The following ATRNL1 variants were observed in gnomAD, a reference collection of about 807,000 sequenced individuals.
ATRNL1 encodes attractin-like protein 1.
Under a neutral mutation model 182.7 loss-of-function variants are expected in ATRNL1, and 95 were observed. The observed-to-expected ratio is 0.52, with a 90% CI of 0.44 to 0.62. ATRNL1 has a LOEUF of 0.62. Ranked by LOEUF, ATRNL1 falls within the 20% of genes least tolerant of loss-of-function variation. ATRNL1 has a pLI of 0.00. For synonymous variants in ATRNL1, 576 were observed against 568.3 expected, an observed-to-expected ratio of 1.01 and a Z score of -0.19; for missense variants, 1,471 against 1,679.5, an observed-to-expected ratio of 0.88 and a Z score of 2.17.
intron 24 of ATRNL1, among the ~76,000 whole-genome samples, chr10:115,516,629 G>A (rs1300889658): frequency 6.6e-6 from 1 of 151,756 alleles, no homozygotes; most frequent in East Asian, 1.9e-4. Flanking sequence ...CTTTGTCATG[G>A]CCAACGACCT....
intron 20 of ATRNL1, among the ~76,000 whole-genome samples, chr10:115,403,715 G>A (rs111397336): frequency 1.6e-4 from 24 of 152,290 alleles, no homozygotes; most frequent in African/African-American, 5.5e-4. Flanking sequence ...GCCTACCAAA[G>A]TCCTGGGATT....
At chr10:115,272,139 G>A (rs1190017109) in intron 13 of ATRNL1, among the ~76,000 whole-genome samples, 1 of 152,186 alleles carries the variant, frequency 6.6e-6, no homozygotes, top group Non-Finnish European at 1.5e-5. Context: ...AGATGCTGGT[G>A]CCACATTTCC....
chr10:115,744,891 C>A (rs931125483), intron 27 of ATRNL1, among the ~76,000 whole-genome samples: 5 of 152,048 alleles, frequency 3.3e-5, no homozygotes, highest in African/African-American at 1.2e-4. Context: ...AGTAATATAT[C>A]TTAATTGTAA....
At chr10:115,557,084 C>G (rs1169882765) in intron 26 of ATRNL1, among the ~76,000 whole-genome samples, 1 of 151,900 alleles carries the variant, frequency 6.6e-6, no homozygotes. Flanking sequence ...AGAAGGGTTT[C>G]CAACAAACTT....
At chr10:115,356,216 G>T (rs1280259660) in intron 19 of ATRNL1, among the ~76,000 whole-genome samples, 2 of 151,982 alleles carry the variant, frequency 1.3e-5, no homozygotes, top group Non-Finnish European at 2.9e-5. Flanking sequence ...TACCAAATGA[G>T]GTTGAGCATT....
At chr10:115,378,086 T>C (rs1175912824) in intron 19 of ATRNL1, among the ~76,000 whole-genome samples, 1 of 152,010 alleles carries the variant, frequency 6.6e-6, no homozygotes, top group Admixed American at 6.6e-5. Context: ...TGGGACTGAG[T>C]CACAGAGCTG....
chr10:115,386,793 T>G (rs1406293488), intron 19 of ATRNL1, among the ~76,000 whole-genome samples: 8 of 147,898 alleles, frequency 5.4e-5, no homozygotes, highest in African/African-American at 2.0e-4. Context: ...TAGGTATATC[T>G]CCTAATGCTA....
intron 26 of ATRNL1, among the ~76,000 whole-genome samples, chr10:115,690,561 C>A (rs34597035): frequency 6.6e-6 from 1 of 151,906 alleles, no homozygotes; most frequent in African/African-American, 2.4e-5. Flanking sequence ...AGGTTGGAGA[C>A]CCCTGGACCA....
At chr10:115,428,305 T>C (rs1845996644) in intron 21 of ATRNL1, among the ~76,000 whole-genome samples, 1 of 152,094 alleles carries the variant, frequency 6.6e-6, no homozygotes, top group Non-Finnish European at 1.5e-5. Flanking sequence ...TTTTGTTGAC[T>C]CTCAGAATTT....
intron 26 of ATRNL1, among the ~76,000 whole-genome samples, chr10:115,693,290 C>G (rs541542860): frequency 5.9e-5 from 9 of 152,108 alleles, no homozygotes; most frequent in African/African-American, 2.2e-4. Flanking sequence ...GACTTAAATT[C>G]AGGTTGTTAC....
intron 9 of ATRNL1, among the ~76,000 whole-genome samples, chr10:115,234,592 C>CTTTT: frequency 7.5e-6 from 1 of 133,828 alleles, no homozygotes; most frequent in Non-Finnish European, 1.6e-5. Context: ...TTTTCTTTTT[C>CTTTT]TTTTTTTTTT....
intron 26 of ATRNL1, among the ~76,000 whole-genome samples, chr10:115,663,867 CATGA>C (rs1483224804): frequency 5.8e-4 from 88 of 152,114 alleles, no homozygotes; most frequent in African/African-American, 2.0e-3. Flanking sequence ...ACAGTGGCCC[CATGA>C]ATCTCTATGC....
chr10:115,430,673 T>C (rs1846117891), intron 21 of ATRNL1, among the ~76,000 whole-genome samples: 1 of 152,180 alleles, frequency 6.6e-6, no homozygotes, highest in South Asian at 2.1e-4. Context: ...AAAACATTTG[T>C]TAACTATTTT....
intron 21 of ATRNL1, among the ~76,000 whole-genome samples, chr10:115,438,488 A>T (rs1365394791): frequency 6.6e-6 from 1 of 151,924 alleles, no homozygotes; most frequent in Non-Finnish European, 1.5e-5. Flanking sequence ...TTTAGTCATC[A>T]CTTTCCACCT....
At chr10:115,604,704 T>C (rs1482893823) in intron 26 of ATRNL1, among the ~76,000 whole-genome samples, 1 of 152,116 alleles carries the variant, frequency 6.6e-6, no homozygotes, top group Non-Finnish European at 1.5e-5. Context: ...ACAAGGCCAA[T>C]TTTTGACTCA....
chr10:115,519,360 A>G (rs1554984667), intron 25 of ATRNL1, 36 bp downstream of exon 25: 5 of 1,549,420 alleles, frequency 3.2e-6, no homozygotes, highest in Non-Finnish European at 4.4e-6. Flanking sequence ...GAACTTTTCA[A>G]GCCTGTATTC....
At chr10:115,608,791 T>C (rs1856998815) in intron 26 of ATRNL1, among the ~76,000 whole-genome samples, 1 of 152,048 alleles carries the variant, frequency 6.6e-6, no homozygotes, top group Admixed American at 6.6e-5. Flanking sequence ...GCTGGACAAC[T>C]TTGGCATTCC....
At chr10:115,918,164 G>A (rs953255282) in intron 28 of ATRNL1, among the ~76,000 whole-genome samples, 14 of 133,744 alleles carry the variant, frequency 1.0e-4, no homozygotes, top group African/African-American at 3.4e-4. Context: ...TGTATTACAC[G>A]ATCTCAGCTC....
chr10:115,676,255 T>C (rs1945856266), intron 26 of ATRNL1, among the ~76,000 whole-genome samples: 1 of 152,020 alleles, frequency 6.6e-6, no homozygotes, highest in Non-Finnish European at 1.5e-5. Context: ...TAATCATGGC[T>C]GGAGAAAACA....
Sources: gnomAD v4.1 joint callset for allele counts (sites outside exome capture counted in the v4.1 genomes callset) on GRCh38, gnomAD v4.1.1 for gene constraint, MANE v1.5 for transcripts, NCBI Gene and HGNC (gene_info 2026-07-23, HGNC 2026-07-21) for gene names.